Variants in RWDD2B observed in about 807,000 individuals in gnomAD.
RWDD2B encodes the protein RWD domain-containing protein 2B.
In RWDD2B, 36 loss-of-function variants were observed where a neutral mutation model predicts 33.6. That is an observed-to-expected ratio of 1.07 (90% CI 0.82 to 1.42). RWDD2B has a LOEUF of 1.42. RWDD2B is among the 40% of genes most tolerant of loss of function. The pLI is 0.00. For synonymous variants in RWDD2B, 126 were observed against 133.1 expected (o/e 0.95, Z 0.37); for missense variants, 364 against 377.5 (o/e 0.96, Z 0.30).
rs569412318 is a variant in RWDD2B, at chr21:29,011,430, G to A, written c.68-2809C>T. Among the ~76,000 whole-genome samples the A allele has an allele frequency of 6.3e-4, 94 of 149,320 alleles. 1 individual carries two copies. Among genetic ancestry groups the A allele is most frequent in the South Asian group, 3.4e-3 (16 of 4,736 alleles). ...TGAGAAGTGAGGAGCCCCTCCGCCCGGCAGCCGCTGGGTCTGAGAAGTGAG... is the reference window on the plus strand; with the variant it reads ...TGAGAAGTGAGGAGCCCCTCCGCCCAGCAGCCGCTGGGTCTGAGAAGTGAG... On this transcript the variant is annotated intron_variant, in intron 1 of 4. Transcript: ENST00000493196.
intron 1 of RWDD2B, 55 bp from the exon 2 acceptor site, chr21:29,008,676 A>T: frequency 8.6e-7 from 1 of 1,157,286 alleles, no homozygotes. Flanking sequence ...GGAAGAAATG[A>T]ATACATCAAC....
At position 29,006,394 on chromosome 21, in the gene RWDD2B, G is replaced by T; in HGVS notation, c.*23C>A. 2 of 1,453,472 alleles carry T rather than the reference G, an allele frequency of 1.4e-6. No individual in the cohort carries two copies. The highest frequency in any genetic ancestry group is 1.2e-5 in the South Asian group (1 of 80,792). The allele number at this position is 1,453,472 out of a possible 1,614,324, so 90.0% of individuals were successfully genotyped here. On this transcript the variant is annotated 3_prime_UTR_variant, in exon 5 of 5. Transcript: ENST00000493196. The stretch of plus-strand genomic sequence containing the variant: ...AAAATCAAAAGGCCAACAGTGGCAA[G>T]ATACTTTCAACTACTCTTGATGTCA...
chr21:29,008,178 A>G, intron 3 of RWDD2B, 55 bp from the exon 4 acceptor site: 2 of 1,610,316 alleles, frequency 1.2e-6, no homozygotes, highest in Non-Finnish European at 8.5e-7. Flanking sequence ...CAAATTCGAG[A>G]ATTGCTTTTA....
intron 1 of RWDD2B, among the ~76,000 whole-genome samples, chr21:29,017,191 T>C (rs530690558): frequency 1.3e-5 from 2 of 152,204 alleles, no homozygotes; most frequent in South Asian, 2.1e-4. Flanking sequence ...ATTATTATTA[T>C]TGGTCATCAT....
chr21:29,011,480 C>A, intron 1 of RWDD2B, among the ~76,000 whole-genome samples: 1 of 151,828 alleles, frequency 6.6e-6, no homozygotes. Flanking sequence ...AGCAGCCACC[C>A]CGTCTGGGAA....
chr21:29,008,749 T>A (rs2146335420), intron 1 of RWDD2B, 128 bp from the exon 2 acceptor site: 1 of 650,724 alleles, frequency 1.5e-6, no homozygotes, highest in East Asian at 2.7e-5. Flanking sequence ...TTAGTCTCTT[T>A]CCCTATTACT....
rs2084824111 is a variant in RWDD2B at position 29,005,524 on chromosome 21, G to A, written c.*893C>T. On this transcript the variant is annotated 3_prime_UTR_variant, in exon 5 of 5. Transcript: ENST00000493196. ...AGCCGAGGTGGGAGGATCACCTGAGGTCAGGAGTTCAAGACCAGCCTGGCC... is the reference window on the plus strand; with the variant it reads ...AGCCGAGGTGGGAGGATCACCTGAGATCAGGAGTTCAAGACCAGCCTGGCC... 6.6e-6 allele frequency: 1 copy of A among 152,190 alleles called. No homozygotes were observed. Among genetic ancestry groups the A allele is most frequent in the Non-Finnish European group, 1.5e-5 (1 of 68,088 alleles). 9.4% of individuals were successfully genotyped at this position (152,190 alleles called of 1,614,324 possible).
chr21:29,011,688 G>C (rs2084861714), intron 1 of RWDD2B, among the ~76,000 whole-genome samples: 2 of 140,656 alleles, frequency 1.4e-5, no homozygotes, highest in Non-Finnish European at 3.2e-5. Flanking sequence ...GAGGTGAGGG[G>C]CGCCTCTGCC....
chr21:29,013,359 A>T (rs988877860), intron 1 of RWDD2B, among the ~76,000 whole-genome samples: 3 of 152,216 alleles, frequency 2.0e-5, no homozygotes, highest in Non-Finnish European at 4.4e-5. Context: ...TAATTTTGTT[A>T]AGTTTTGAAA....
upstream of RWDD2B, chr21:29,019,349 GGAAA>G (rs758017763): frequency 3.1e-6 from 3 of 967,022 alleles, no homozygotes; most frequent in African/African-American, 3.9e-5. Flanking sequence ...GCGACCTACC[GGAAA>G]AAAAAAAAAA....
At chr21:29,007,731 A>G (rs367711645) in intron 4 of RWDD2B, 30 bp downstream of exon 4, 66 of 1,588,862 alleles carry the variant, frequency 4.2e-5, no homozygotes, top group Non-Finnish European at 5.3e-5. Context: ...CATTATTGAC[A>G]TGACTTCATA....
intron 1 of RWDD2B, among the ~76,000 whole-genome samples, chr21:29,015,310 A>C (rs1480160383): frequency 7.7e-6 from 1 of 129,442 alleles, no homozygotes; most frequent in East Asian, 2.2e-4. Flanking sequence ...GGCTTATTGC[A>C]ACCTCCACCT....
Position 29,006,480 on chromosome 21 carries a change from C to A in RWDD2B, c.897G>T (p.Gln299His). The A allele has an allele frequency of 6.2e-7, 1 of 1,614,070 alleles. No individual in the cohort carries two copies. The highest frequency in any genetic ancestry group is 8.5e-7 in the Non-Finnish European group (1 of 1,179,970). The part of the protein sequence containing the change: ...GNHMDFGQLY[Q>H]FLNTKGCGDV... ...CCCCACATCCTTTGGTGTTTAAGAA[C>A]TGATAGAGCTGACCAAAGTCCATGT... is the stretch of plus-strand genomic sequence containing the variant. The change falls in exon 5 of 5, where the codon CAG becomes CAT. Residue 299 changes from glutamine (Q) to histidine (H), a missense_variant. By Grantham distance (24) the Gln-to-His change is conservative. Transcript: ENST00000493196.
chr21:29,005,189 A>G lies in RWDD2B; in HGVS notation c.*1228T>C, dbSNP rs2084822484. 1 of 152,040 alleles carries G rather than the reference A, an allele frequency of 6.6e-6. No individual in the cohort carries two copies. The highest frequency in any genetic ancestry group is 6.5e-5 in the Admixed American group (1 of 15,278). The allele number at this position is 152,040 out of a possible 1,614,324, so 9.4% of individuals were successfully genotyped here. ...AAAAAATGTCAGAATACAATTTGCC[A>G]AACAAATTTTCTAAATTACTAATTT... is the stretch of plus-strand genomic sequence containing the variant. On this transcript the variant is annotated 3_prime_UTR_variant, in exon 5 of 5. Coordinates refer to ENST00000493196, the MANE Select transcript of RWDD2B (RefSeq NM_016940.3).
At position 29,007,940 on chromosome 21, in the gene RWDD2B, T is replaced by C. The variant is rs1188287626; in HGVS notation, c.546A>G (p.Ser182=). ...SSPTTGSTVQ[S]VDLIFTRLWI... Reference sequence around the variant, plus strand: ...AGAGTCTCGTGAAGATGAGGTCAACTGACTGGACTGTGCTTCCTGTGGTGG... The same window carrying C: ...AGAGTCTCGTGAAGATGAGGTCAACCGACTGGACTGTGCTTCCTGTGGTGG... The change falls in exon 4 of 5, where the codon TCA becomes TCG. Residue 182 remains serine (S), a synonymous_variant. Transcript: ENST00000493196. The C allele has an allele frequency of 1.9e-6, 3 of 1,614,252 alleles. No individual in the cohort carries two copies. Among genetic ancestry groups the C allele is most frequent in the Non-Finnish European group, 2.5e-6 (3 of 1,180,034 alleles).
At position 29,008,312 on chromosome 21, in the gene RWDD2B, TTAAAG is replaced by T; in HGVS notation, c.295-10_295-6del. On this transcript the variant is annotated splice_region_variant and splice_polypyrimidine_tract_variant and intron_variant, in intron 2 of 4. Transcript: ENST00000493196. Reference sequence around the variant, plus strand: ...ACAGGCCAGAGAAAACATCGCCTGATTAAAGAGAAGAAGAAAAAGTGCACTAACCA... The same window carrying T: ...ACAGGCCAGAGAAAACATCGCCTGATAGAAGAAGAAAAAGTGCACTAACCA... 1 of 1,614,136 alleles carries T rather than the reference TTAAAG, an allele frequency of 6.2e-7. No individual in the cohort carries two copies. Among genetic ancestry groups the T allele is most frequent in the Non-Finnish European group, 8.5e-7 (1 of 1,179,964 alleles).
chr21:29,013,687 T>G (rs1601023528), intron 1 of RWDD2B, among the ~76,000 whole-genome samples: 1 of 94,994 alleles, frequency 1.1e-5, no homozygotes, highest in Non-Finnish European at 1.9e-5. Context: ...AGACTCCGTC[T>G]CAAAAAAAAA....
chr21:29,014,808 G>A, intron 1 of RWDD2B, among the ~76,000 whole-genome samples: 1 of 152,088 alleles, frequency 6.6e-6, no homozygotes, highest in East Asian at 1.9e-4. Flanking sequence ...GCGGCAGAGC[G>A]AGACTCCTTC....
chr21:29,013,344 TAGA>T (rs1320456212), intron 1 of RWDD2B, among the ~76,000 whole-genome samples: 10 of 152,174 alleles, frequency 6.6e-5, no homozygotes, highest in Admixed American at 6.5e-4. Flanking sequence ...ATATAAACAT[TAGA>T]ATAATTTTGT....
Sources: gnomAD v4.1 joint callset for allele counts (sites outside exome capture counted in the v4.1 genomes callset) on GRCh38, gnomAD v4.1.1 for gene constraint, MANE v1.5 for transcripts, NCBI Gene and HGNC (gene_info 2026-07-23, HGNC 2026-07-21) for gene names.